The following SCAF4 variants were observed in gnomAD, a reference collection of about 807,000 sequenced individuals.
SCAF4 encodes the protein SR-related and CTD-associated factor 4.
In SCAF4, 25 loss-of-function variants were observed where a neutral mutation model predicts 129.8. The ratio of observed to expected loss-of-function variants is 0.19; its 90% CI spans 0.14 to 0.27. SCAF4 has a LOEUF of 0.27. Ranked by LOEUF, SCAF4 falls within the 10% of genes least tolerant of loss-of-function variation. The pLI, the probability that SCAF4 is intolerant of heterozygous loss-of-function variation, is 1.00. For missense variants in SCAF4, 1,246 were observed against 1,457.1 expected (o/e 0.86, Z 2.36); for synonymous variants, 551 against 497.7 (o/e 1.11, Z -1.43).
chr21:31,696,657 C>A lies in SCAF4; in HGVS notation c.871G>T (p.Ala291Ser). The A allele has an allele frequency of 1.2e-6, 2 of 1,614,056 alleles. No individual in the cohort carries two copies. The highest frequency in any genetic ancestry group is 1.7e-6 in the Non-Finnish European group (2 of 1,179,944). The change falls in exon 8 of 20, where the codon GCT becomes TCT. Residue 291 changes from alanine (A) to serine (S), a missense_variant. Coordinates refer to ENST00000286835, the MANE Select transcript of SCAF4 (RefSeq NM_020706.2). Reference protein sequence around the residue: ...DTTAVTTTAPAAAVPPAPTAT... With the variant: ...DTTAVTTTAPSAAVPPAPTAT... Reference sequence around the variant, plus strand: ...GTGGGTGCAGGGGGTACTGCGGCAGCAGGTGCTGTCGTGGTGACGGCAGTG... The same window carrying A: ...GTGGGTGCAGGGGGTACTGCGGCAGAAGGTGCTGTCGTGGTGACGGCAGTG...
At chr21:31,679,148 G>C (rs2049938267) in intron 19 of SCAF4, among the ~76,000 whole-genome samples, 1 of 152,168 alleles carries the variant, frequency 6.6e-6, no homozygotes, top group South Asian at 2.1e-4. Flanking sequence ...TTTGAGAAAG[G>C]ATGTTTTCTT....
intron 1 of SCAF4, chr21:31,706,783 A>G (rs994962433): frequency 1.3e-5 from 3 of 232,304 alleles, no homozygotes; most frequent in Non-Finnish European, 2.6e-5. Flanking sequence ...CCAAGAAACT[A>G]AAGATTTACC....
At chr21:31,720,547 C>T (rs1308768145) in intron 1 of SCAF4, among the ~76,000 whole-genome samples, 3 of 152,204 alleles carry the variant, frequency 2.0e-5, no homozygotes, top group Non-Finnish European at 4.4e-5. Context: ...AACTTCACAG[C>T]AGCCATGTGG....
chr21:31,691,040 C>T (rs1601205711), intron 14 of SCAF4, 87 bp from the exon 15 acceptor site: 1 of 1,144,184 alleles, frequency 8.7e-7, no homozygotes, highest in Non-Finnish European at 1.2e-6. Flanking sequence ...TCTATCCATT[C>T]CGACTCGGGC....
intron 19 of SCAF4, among the ~76,000 whole-genome samples, chr21:31,679,025 A>C (rs1167973297): frequency 6.6e-6 from 1 of 152,174 alleles, no homozygotes; most frequent in Admixed American, 6.5e-5. Context: ...GTGATGACCA[A>C]ACTCATCAAG....
rs2051381736 is a variant in SCAF4 at position 31,732,100 on chromosome 21, A to C, written c.-408T>G. The C allele has an allele frequency of 2.5e-6, 1 of 404,724 alleles. No homozygotes were observed. Among genetic ancestry groups the C allele is most frequent in the Non-Finnish European group, 4.3e-6 (1 of 231,260 alleles). The allele number at this position is 404,724 out of a possible 1,614,324, so 25.1% of individuals were successfully genotyped here. ...GGGATGGCGGCAGCGGCCCGAGTCC[A>C]CGCCGCGCGGGGCACCCTGGGACGG... On this transcript the variant is annotated 5_prime_UTR_variant, in exon 1 of 20. Transcript: ENST00000286835.
intron 10 of SCAF4, 27 bp from the exon 11 acceptor site, chr21:31,694,316 T>C (rs1007041587): frequency 7.1e-6 from 10 of 1,409,524 alleles, no homozygotes; most frequent in Admixed American, 1.9e-5. Context: ...CATGATAAAA[T>C]GAGAAATTTA....
chr21:31,727,776 C>T (rs2051243566), intron 1 of SCAF4, among the ~76,000 whole-genome samples: 1 of 151,298 alleles, frequency 6.6e-6, no homozygotes, highest in Admixed American at 6.6e-5. Flanking sequence ...GGTGACAGAG[C>T]GGGTCTCCAC....
intron 7 of SCAF4, 192 bp downstream of exon 7, chr21:31,700,803 A>C: frequency 3.6e-6 from 2 of 548,160 alleles, no homozygotes; most frequent in South Asian, 5.9e-5. Flanking sequence ...AAACCCTGGA[A>C]ATTTTTGCAC....
chr21:31,701,954 A>G, intron 5 of SCAF4, 36 bp from the exon 6 acceptor site: 1 of 1,601,544 alleles, frequency 6.2e-7, no homozygotes, highest in African/African-American at 1.3e-5. Context: ...CTAAAAAAAA[A>G]GTTAACCTAC....
intron 1 of SCAF4, among the ~76,000 whole-genome samples, chr21:31,725,243 A>G (rs2051173229): frequency 6.6e-6 from 1 of 152,050 alleles, no homozygotes; most frequent in Non-Finnish European, 1.5e-5. Flanking sequence ...AAATGATCAA[A>G]CCCCAAACAT....
intron 1 of SCAF4, among the ~76,000 whole-genome samples, chr21:31,722,436 A>G (rs2051091959): frequency 6.6e-6 from 1 of 152,158 alleles, no homozygotes; most frequent in Non-Finnish European, 1.5e-5. Context: ...AATATTTACA[A>G]ACAACCAGAA....
Position 31,703,746 on chromosome 21 carries a change from G to A in SCAF4, c.321+19C>T. 7.7e-7 allele frequency: 1 copy of A among 1,301,464 alleles called. No individual in the cohort carries two copies. Among genetic ancestry groups the A allele is most frequent in the Non-Finnish European group, 1.1e-6 (1 of 931,260 alleles). 80.6% of individuals were successfully genotyped at this position (1,301,464 alleles called of 1,614,324 possible). ...TATTTTTTAAAGAATACAAGTTTTA[G>A]TTTAAAAATTAATTATACCTTATCT... On this transcript the variant is annotated intron_variant, in intron 4 of 19. Transcript: ENST00000286835.
At chr21:31,723,609 G>GTTTTGTGTGTGTGTGTGTGTGT (rs112184778) in intron 1 of SCAF4, among the ~76,000 whole-genome samples, 75 of 146,104 alleles carry the variant, frequency 5.1e-4, no homozygotes, top group African/African-American at 1.8e-3. Flanking sequence ...TGATTTATAT[G>GTTTTGTGTGTGTGTGTGTGTGT]ATGTGTGTGT....
At chr21:31,674,016 T>C (rs2049784990) in intron 19 of SCAF4, among the ~76,000 whole-genome samples, 1 of 152,180 alleles carries the variant, frequency 6.6e-6, no homozygotes, top group Non-Finnish European at 1.5e-5. Flanking sequence ...CATCTTATTA[T>C]AACAAGAGAA....
chr21:31,704,622 G>T lies in SCAF4; in HGVS notation c.160-696C>A, dbSNP rs113421381. ...AGAGGAGTATTTTGCAACTGTTTAC[G>T]ATAAACTCAGTGGGAAAAGCAGCCT... On this transcript the variant is annotated intron_variant, in intron 3 of 19. Transcript: ENST00000286835. Among the ~76,000 whole-genome samples, 612 of 151,536 alleles carry T rather than the reference G, an allele frequency of 4.0e-3. 4 individuals are homozygous for T. The highest frequency in any genetic ancestry group is 0.014 in the African/African-American group (577 of 41,358).
chr21:31,678,088 C>A (rs140365941), intron 19 of SCAF4, among the ~76,000 whole-genome samples: 2 of 152,126 alleles, frequency 1.3e-5, no homozygotes, highest in Admixed American at 6.6e-5. Flanking sequence ...CAGGCTCCTG[C>A]GGCTTTAAAT....
intron 1 of SCAF4, among the ~76,000 whole-genome samples, chr21:31,708,153 C>T (rs1568853214): frequency 6.6e-6 from 1 of 152,054 alleles, no homozygotes; most frequent in African/African-American, 2.4e-5. Context: ...TTTGGGAGGC[C>T]TAGGTGGGCG....
At chr21:31,724,957 G>T (rs1050380357) in intron 1 of SCAF4, among the ~76,000 whole-genome samples, 1 of 152,142 alleles carries the variant, frequency 6.6e-6, no homozygotes, top group African/African-American at 2.4e-5. Context: ...GCTACAGAAA[G>T]CTCTGAAGAA....
Sources: allele counts gnomAD v4.1 joint callset (sites outside exome capture counted in the v4.1 genomes callset), GRCh38; gene constraint gnomAD v4.1.1; transcripts MANE v1.5; gene names NCBI Gene and HGNC (gene_info 2026-07-23, HGNC 2026-07-21).